The following SPACA7 variants were observed in gnomAD, a reference collection of about 807,000 sequenced individuals.
SPACA7 encodes the protein sperm acrosome associated 7.
SPACA7 carries 19 observed loss-of-function variants against 26.3 expected under a neutral mutation model. The ratio of observed to expected loss-of-function variants is 0.72; its 90% confidence interval spans 0.50 to 1.06. SPACA7 has a LOEUF of 1.06. SPACA7 is among the 50% of genes least tolerant of loss of function. SPACA7 has a pLI of 0.00. For synonymous variants in SPACA7, 84 were observed against 84.5 expected (o/e 0.99, Z 0.04); for missense variants, 211 against 229.9 (o/e 0.92, Z 0.53).
At chr13:112,428,257 T>G (rs905299622) in intron 5 of SPACA7, among the ~76,000 whole-genome samples, 9 of 152,214 alleles carry the variant, frequency 5.9e-5, no homozygotes, top group African/African-American at 1.7e-4. Context: ...CCTTTTAAAT[T>G]TCTTCTTTGA....
At chr13:112,413,051 A>G (rs1372033502) in intron 5 of SPACA7, among the ~76,000 whole-genome samples, 1 of 152,112 alleles carries the variant, frequency 6.6e-6, no homozygotes, top group African/African-American at 2.4e-5. Flanking sequence ...TCTCTTTAAA[A>G]TTATTATTTT....
In SPACA7 at chr13:112,433,839, C is replaced by T. The variant is rs541000182; in HGVS notation, c.524-646C>T. Among the ~76,000 whole-genome samples the T allele has an allele frequency of 3.9e-5, 6 of 152,268 alleles. No homozygotes were observed. In the South Asian group the frequency reaches 8.3e-4, roughly 21 times the overall value. ...GGGCAGTGAGCGGTCGTTCAAGCTACGGCCAATATCCCAGATTGTGCCACT... is the reference window on the plus strand; with the variant it reads ...GGGCAGTGAGCGGTCGTTCAAGCTATGGCCAATATCCCAGATTGTGCCACT... On this transcript the variant is annotated intron_variant, in intron 6 of 6. Transcript: ENST00000283550.
intron 5 of SPACA7, among the ~76,000 whole-genome samples, chr13:112,431,082 G>A (rs375525611): frequency 6.6e-6 from 1 of 152,192 alleles, no homozygotes; most frequent in African/African-American, 2.4e-5. Context: ...ACCGGAAACA[G>A]CCTGATGTTT....
chr13:112,412,132 T>G (rs1190944227), intron 5 of SPACA7, among the ~76,000 whole-genome samples: 1 of 152,150 alleles, frequency 6.6e-6, no homozygotes, highest in East Asian at 1.9e-4. Flanking sequence ...CCTGTGTTTT[T>G]GAAAAGTTAT....
In SPACA7 at chr13:112,398,157, A is replaced by T; in HGVS notation, c.241+19A>T. 1 of 1,582,942 alleles carries T rather than the reference A, an allele frequency of 6.3e-7. No individual in the cohort carries two copies. The highest frequency in any genetic ancestry group is 1.1e-5 in the South Asian group (1 of 90,356). On this transcript the variant is annotated intron_variant, in intron 3 of 6. Transcript: ENST00000283550. ...CCGTTACGTAAGGAGAAAAGCAAGC[A>T]CACCCCTTTCTAACCCTCTAATTGC...
chr13:112,381,293 C>T (rs1290314695), intron 1 of SPACA7, among the ~76,000 whole-genome samples: 1 of 151,942 alleles, frequency 6.6e-6, no homozygotes, highest in Non-Finnish European at 1.5e-5. Context: ...AATTTAAAAC[C>T]AGCCTGGGAA....
intron 5 of SPACA7, among the ~76,000 whole-genome samples, chr13:112,423,791 C>T (rs536377397): frequency 2.6e-5 from 4 of 152,304 alleles, no homozygotes; most frequent in South Asian, 2.1e-4. Context: ...ATCCAAGAGA[C>T]GATCTGGCAA....
chr13:112,392,088 G>A (rs1443019698), intron 1 of SPACA7, among the ~76,000 whole-genome samples: 1 of 152,224 alleles, frequency 6.6e-6, no homozygotes, highest in East Asian at 1.9e-4. Context: ...AAGGGAAGGT[G>A]TGTGGCCCTG....
At chr13:112,406,582 A>T (rs1300913796) in intron 5 of SPACA7, among the ~76,000 whole-genome samples, 3 of 152,216 alleles carry the variant, frequency 2.0e-5, no homozygotes, top group African/African-American at 7.2e-5. Context: ...AAGAAGATAT[A>T]CATGGCCAAT....
At chr13:112,388,211 C>G (rs1884653739) in intron 1 of SPACA7, among the ~76,000 whole-genome samples, 1 of 152,222 alleles carries the variant, frequency 6.6e-6, no homozygotes, top group Admixed American at 6.5e-5. Flanking sequence ...GTATCCCTTT[C>G]AAACTATCCT....
At chr13:112,390,346 G>T (rs1884801687) in intron 1 of SPACA7, among the ~76,000 whole-genome samples, 1 of 152,166 alleles carries the variant, frequency 6.6e-6, no homozygotes, top group Non-Finnish European at 1.5e-5. Context: ...GCCACAGTGG[G>T]GCAGGTCAGG....
At chr13:112,409,355 A>T (rs1886197012) in intron 5 of SPACA7, among the ~76,000 whole-genome samples, 1 of 152,350 alleles carries the variant, frequency 6.6e-6, no homozygotes, top group South Asian at 2.1e-4. Context: ...AAAAGCCAAA[A>T]TTGACAAATG....
At chr13:112,401,234 C>A in intron 5 of SPACA7, 70 bp downstream of exon 5, 1 of 1,221,010 alleles carries the variant, frequency 8.2e-7, no homozygotes, top group Non-Finnish European at 1.2e-6. Flanking sequence ...AGGTGACTGT[C>A]TCCCTCCAGC....
At chr13:112,431,896 T>C (rs924581274) in intron 5 of SPACA7, among the ~76,000 whole-genome samples, 1 of 152,190 alleles carries the variant, frequency 6.6e-6, no homozygotes, top group Non-Finnish European at 1.5e-5. Context: ...TGGGGGGACT[T>C]GGAGCCACTC....
intron 5 of SPACA7, among the ~76,000 whole-genome samples, chr13:112,406,398 T>A (rs4907522): frequency 0.56 from 85,212 of 152,016 alleles, 24,117 homozygotes; most frequent in South Asian, 0.67. Flanking sequence ...TCTTCAAGGT[T>A]CATCCCTGTC....
chr13:112,387,129 C>T (rs1412649185), intron 1 of SPACA7, among the ~76,000 whole-genome samples: 1 of 152,164 alleles, frequency 6.6e-6, no homozygotes, highest in Non-Finnish European at 1.5e-5. Context: ...ATTGCTCTTT[C>T]CAGAAGGAGT....
At chr13:112,383,110 GAAAAGAAAAGA>G (rs1398100717) in intron 1 of SPACA7, among the ~76,000 whole-genome samples, 4 of 15,672 alleles carry the variant, frequency 2.6e-4, no homozygotes, top group Non-Finnish European at 3.2e-4. Flanking sequence ...AGAAAGAAAA[GAAAAGAAAAGA>G]AAAGAAAGAA....
chr13:112,420,910 G>T (rs956732418), intron 5 of SPACA7, among the ~76,000 whole-genome samples: 4 of 152,120 alleles, frequency 2.6e-5, no homozygotes, highest in African/African-American at 9.7e-5. Flanking sequence ...TAATCTAGAG[G>T]ACAGTGGAAT....
chr13:112,382,543 C>A, intron 1 of SPACA7: 1 of 1,545,342 alleles, frequency 6.5e-7, no homozygotes, highest in Non-Finnish European at 8.7e-7. Context: ...ACTATCTGGG[C>A]GACACATGCA....
Sources: gnomAD v4.1 joint callset for allele counts (sites outside exome capture counted in the v4.1 genomes callset) on GRCh38, gnomAD v4.1.1 for gene constraint, MANE v1.5 for transcripts, NCBI Gene and HGNC (gene_info 2026-07-23, HGNC 2026-07-21) for gene names.